The following R3HDM2 variants were observed in gnomAD, a reference collection of about 807,000 sequenced individuals.
The protein encoded by R3HDM2 is R3H domain containing 2.
In R3HDM2, 38 loss-of-function variants were observed where a neutral mutation model predicts 124.5. The observed-to-expected ratio is 0.31, with a 90% CI of 0.24 to 0.40. R3HDM2 has a LOEUF of 0.40. Among genes scored for constraint, R3HDM2 ranks in the 10% least tolerant of loss-of-function variants. The pLI is 1.00. For missense variants in R3HDM2, 869 were observed against 1,236.9 expected, an observed-to-expected ratio of 0.70 and a Z score of 4.46; for synonymous variants, 391 against 448.0, an observed-to-expected ratio of 0.87 and a Z score of 1.61.
At chr12:57,415,658 A>G (rs1295597895) in intron 1 of R3HDM2, among the ~76,000 whole-genome samples, 2 of 152,084 alleles carry the variant, frequency 1.3e-5, no homozygotes, top group Non-Finnish European at 2.9e-5. Flanking sequence ...GCAGACTTCA[A>G]TTTAACCAAG....
intron 1 of R3HDM2, among the ~76,000 whole-genome samples, chr12:57,419,116 C>T (rs2069932706): frequency 6.6e-6 from 1 of 151,718 alleles, no homozygotes; most frequent in African/African-American, 2.4e-5. Context: ...AAATACTGCC[C>T]CATATATACC....
intron 2 of R3HDM2, among the ~76,000 whole-genome samples, chr12:57,373,665 G>C (rs992003099): frequency 2.0e-5 from 3 of 151,254 alleles, no homozygotes; most frequent in African/African-American, 4.9e-5. Context: ...CAAACTTAGC[G>C]GGGGGTGGTG....
chr12:57,268,437 C>T lies in R3HDM2; in HGVS notation c.1896G>A (p.Ser632=), dbSNP rs369575037. The part of the protein sequence containing the change: ...PSYQVPVGSD[S]QNVVQPPFQQ... ...GGAAAGGCGGCTGGACCACATTTTG[C>T]GAGTCACTACCCACTGGAACCTGGG... is the stretch of plus-strand genomic sequence containing the variant. The change falls in exon 18 of 24, where the codon TCG becomes TCA. Residue 632 remains serine, a synonymous_variant. Transcript: ENST00000402412. The T allele has an allele frequency of 5.0e-5, 80 of 1,613,792 alleles. No homozygotes were observed. Among genetic ancestry groups the T allele is most frequent in the African/African-American group, 2.8e-4 (21 of 74,864 alleles).
chr12:57,379,660 C>T (rs1390289454), intron 2 of R3HDM2, among the ~76,000 whole-genome samples: 1 of 151,948 alleles, frequency 6.6e-6, no homozygotes, highest in Non-Finnish European at 1.5e-5. Flanking sequence ...TGCTATATCC[C>T]TTACTCTCAG....
intron 2 of R3HDM2, among the ~76,000 whole-genome samples, chr12:57,347,140 G>A (rs2060170933): frequency 6.6e-6 from 1 of 152,110 alleles, no homozygotes; most frequent in Non-Finnish European, 1.5e-5. Context: ...CAGCTACTCA[G>A]GAGGCTGAGG....
intron 2 of R3HDM2, among the ~76,000 whole-genome samples, chr12:57,352,910 T>C (rs1245363423): frequency 6.6e-6 from 1 of 152,122 alleles, no homozygotes; most frequent in East Asian, 1.9e-4. Context: ...TTAAATACGG[T>C]ACCAGATGTG....
chr12:57,330,925 C>T (rs1386344264), intron 2 of R3HDM2, among the ~76,000 whole-genome samples: 2 of 148,016 alleles, frequency 1.4e-5, no homozygotes, highest in Non-Finnish European at 3.0e-5. Context: ...GTCTCGATCT[C>T]CTGACCTTGT....
At chr12:57,385,411 T>C (rs1389935896) in intron 2 of R3HDM2, among the ~76,000 whole-genome samples, 1 of 151,430 alleles carries the variant, frequency 6.6e-6, no homozygotes, top group African/African-American at 2.4e-5. Flanking sequence ...CCCAGCTAAT[T>C]TTTTGTATTT....
chr12:57,393,608 CAT>C (rs1198763567), intron 2 of R3HDM2, among the ~76,000 whole-genome samples: 1 of 152,142 alleles, frequency 6.6e-6, no homozygotes, highest in East Asian at 1.9e-4. Context: ...CTAACAAATA[CAT>C]ACTAGGAGTC....
intron 1 of R3HDM2, among the ~76,000 whole-genome samples, chr12:57,429,204 T>C (rs1254488801): frequency 2.7e-5 from 4 of 148,680 alleles, no homozygotes; most frequent in Non-Finnish European, 6.0e-5. Flanking sequence ...CTGGGCAACA[T>C]AGCAAGATCC....
intron 10 of R3HDM2, 32 bp from the exon 11 acceptor site, chr12:57,292,699 G>T: frequency 7.0e-7 from 1 of 1,422,152 alleles, no homozygotes; most frequent in Non-Finnish European, 9.7e-7. Flanking sequence ...AGCTAGTTAA[G>T]TTCTCCTCGT....
Position 57,299,443 on chromosome 12 carries a change from G to A in R3HDM2, c.330C>T (p.Asp110=). The change falls in exon 6 of 24, where the codon GAC becomes GAT. Residue 110 remains aspartate (D), a synonymous_variant. Coordinates refer to ENST00000402412, the MANE Select transcript of R3HDM2 (RefSeq NM_001394031.1). Reference sequence around the variant, plus strand: ...CTTTTGTGGACTTTTCTTCCTCCTTGTCAGAAGGGCAACTGATGTGCAATT... The same window carrying A: ...CTTTTGTGGACTTTTCTTCCTCCTTATCAGAAGGGCAACTGATGTGCAATT... ...IIQLHISCPS[D]KEEEKSTKDV... 5.8e-6 allele frequency: 9 copies of A among 1,544,902 alleles called. No individual in the cohort carries two copies. Among genetic ancestry groups the A allele is most frequent in the Non-Finnish European group, 7.9e-6 (9 of 1,140,848 alleles).
chr12:57,346,877 T>A (rs2137114183), intron 2 of R3HDM2, among the ~76,000 whole-genome samples: 1 of 152,270 alleles, frequency 6.6e-6, no homozygotes, highest in South Asian at 2.1e-4. Flanking sequence ...TAAAGAGGGA[T>A]ACGAAAGAAA....
chr12:57,269,590 G>C, intron 15 of R3HDM2, 141 bp from the exon 16 acceptor site: 1 of 1,451,190 alleles, frequency 6.9e-7, no homozygotes, highest in Non-Finnish European at 9.3e-7. Flanking sequence ...GTAAAACAAG[G>C]ATTTATGTTA....
In R3HDM2 at chr12:57,268,233, A is replaced by C. The variant is rs143504034; in HGVS notation, c.2030+70T>G. ...CTGCCTTTCTTAGGCCAGTGGAAAC[A>C]AAACCATGATGCAACTGTTGCTGAA... On this transcript the variant is annotated intron_variant, in intron 18 of 23. Coordinates refer to ENST00000402412, the MANE Select transcript of R3HDM2 (RefSeq NM_001394031.1). 9.1e-6 allele frequency: 14 copies of C among 1,542,682 alleles called. No individual in the cohort carries two copies. The East Asian group carries it at 3.0e-4, about 33-fold the overall frequency.
At chr12:57,417,384 CAAAAAA>C (rs542470589) in intron 1 of R3HDM2, among the ~76,000 whole-genome samples, 5 of 110,244 alleles carry the variant, frequency 4.5e-5, no homozygotes, top group Non-Finnish European at 7.7e-5. Context: ...AATTCCATTT[CAAAAAA>C]AAAAAAAAAA....
chr12:57,298,242 C>T, intron 6 of R3HDM2, 74 bp from the exon 7 acceptor site: 2 of 1,141,862 alleles, frequency 1.8e-6, no homozygotes, highest in Non-Finnish European at 2.5e-6. Context: ...AAGCAGAAGT[C>T]CACAACCTAA....
In R3HDM2 at chr12:57,402,179, C is replaced by T. The variant is rs574925276; in HGVS notation, c.-105-6361G>A. 2.6e-5 allele frequency among the ~76,000 whole-genome samples: 4 copies of T among 151,240 alleles called. No individual in the cohort carries two copies. The East Asian group carries it at 7.8e-4, about 30-fold the overall frequency. The stretch of plus-strand genomic sequence containing the variant: ...ACATGGTGACAGGCGCCTGTAATCC[C>T]AGCTACTCAGGAGACTGAGGCAGGA... On this transcript the variant is annotated intron_variant, in intron 1 of 23. Coordinates refer to ENST00000402412, the MANE Select transcript of R3HDM2 (RefSeq NM_001394031.1).
At chr12:57,359,675 G>T (rs1219015649) in intron 2 of R3HDM2, among the ~76,000 whole-genome samples, 1 of 152,090 alleles carries the variant, frequency 6.6e-6, no homozygotes, top group African/African-American at 2.4e-5. Context: ...TGATTAGATT[G>T]TTTGTATTTA....
Sources: gnomAD v4.1 joint callset for allele counts (sites outside exome capture counted in the v4.1 genomes callset) on GRCh38, gnomAD v4.1.1 for gene constraint, MANE v1.5 for transcripts, NCBI Gene and HGNC (gene_info 2026-07-23, HGNC 2026-07-21) for gene names.